The following DET1 variants were observed in gnomAD, a reference collection of about 807,000 sequenced individuals.
DET1 encodes DET1 homolog.
A neutral mutation model predicts 43.7 loss-of-function variants in DET1; 22 were observed. The ratio of observed to expected loss-of-function variants is 0.50; its 90% confidence interval spans 0.36 to 0.72. The LOEUF is 0.72. DET1 is among the 30% of genes least tolerant of loss of function. DET1 has a pLI of 0.00. For missense variants in DET1, 713 were observed against 713.3 expected (o/e 1.00, Z 0.00); for synonymous variants, 315 against 266.2 (o/e 1.18, Z -1.79).
At chr15:88,525,827 A>ATTTTTTTTTTTTTTTTTT (rs10658727) in intron 3 of DET1, among the ~76,000 whole-genome samples, 1 of 90,698 alleles carries the variant, frequency 1.1e-5, no homozygotes, top group Non-Finnish European at 2.1e-5. Context: ...ACACTCGGCT[A>ATTTTTTTTTTTTTTTTTT]TTTTTTTTTT....
intron 1 of DET1, among the ~76,000 whole-genome samples, chr15:88,545,914 C>T (rs905784842): frequency 4.6e-5 from 7 of 150,798 alleles, no homozygotes; most frequent in Non-Finnish European, 1.0e-4. Context: ...ATCCACAGTC[C>T]CCAAGAATTC....
intron 3 of DET1, among the ~76,000 whole-genome samples, chr15:88,525,903 T>C (rs1339410669): frequency 1.3e-5 from 2 of 150,952 alleles, no homozygotes; most frequent in African/African-American, 2.4e-5. Flanking sequence ...TCTTGAAACT[T>C]GGACTCAAGC....
intron 4 of DET1, among the ~76,000 whole-genome samples, chr15:88,513,629 T>G (rs926805437): frequency 3.7e-4 from 55 of 150,420 alleles, no homozygotes; most frequent in African/African-American, 1.3e-3. Context: ...TGAGTTTTTT[T>G]TTTTTTTTTT....
intron 1 of DET1, among the ~76,000 whole-genome samples, chr15:88,533,497 C>T (rs563389743): frequency 1.1e-4 from 16 of 152,182 alleles, no homozygotes; most frequent in East Asian, 1.9e-4. Context: ...TTCATATCAG[C>T]GCTATTCATA....
chr15:88,536,324 T>A (rs1212563391), intron 1 of DET1: 1 of 779,404 alleles, frequency 1.3e-6, no homozygotes, highest in Non-Finnish European at 2.4e-6. Flanking sequence ...TTTTAGTATC[T>A]GTCCCACCAT....
At chr15:88,510,769 T>G (rs1484953731), downstream of DET1, among the ~76,000 whole-genome samples, 9 of 147,034 alleles carry the variant, frequency 6.1e-5, no homozygotes, top group African/African-American at 2.2e-4. Flanking sequence ...GTTTTTTTTT[T>G]TGTTTTTTTT....
At chr15:88,535,833 G>A (rs1220827083) in intron 1 of DET1, among the ~76,000 whole-genome samples, 1 of 151,940 alleles carries the variant, frequency 6.6e-6, no homozygotes, top group Non-Finnish European at 1.5e-5. Context: ...AAGAAGAAAG[G>A]AAGGGAGAGA....
chr15:88,536,603 C>T (rs2056957385), intron 1 of DET1, among the ~76,000 whole-genome samples: 3 of 151,858 alleles, frequency 2.0e-5, no homozygotes, highest in South Asian at 4.2e-4. Context: ...CATAGTGAAA[C>T]TCCATCTCTA....
chr15:88,513,625 T>G (rs1257178759), intron 4 of DET1, among the ~76,000 whole-genome samples: 1 of 145,474 alleles, frequency 6.9e-6, no homozygotes, highest in Non-Finnish European at 1.5e-5. Context: ...TTAGTGAGTT[T>G]TTTTTTTTTT....
chr15:88,513,248 A>T, intron 4 of DET1, 108 bp from the exon 5 acceptor site: 1 of 1,198,982 alleles, frequency 8.3e-7, no homozygotes, highest in Non-Finnish European at 1.1e-6. Flanking sequence ...ATTTTACCTT[A>T]TTAATGAAAT....
rs575626592 is a variant in DET1, at chr15:88,530,344, C to A, written c.1083+279G>T. On this transcript the variant is annotated intron_variant, in intron 2 of 4. Coordinates refer to ENST00000268148, the MANE Select transcript of DET1 (RefSeq NM_001144074.3). The stretch of plus-strand genomic sequence containing the variant: ...AAACCTTGACCTTGTAGCATTTGGG[C>A]TTCCATCTCATGAGTACTGAAAATA... 2.0e-5 allele frequency among the ~76,000 whole-genome samples: 3 copies of A among 152,130 alleles called. No homozygotes were observed. The East Asian group carries it at 5.8e-4, about 29-fold the overall frequency.
intron 2 of DET1, among the ~76,000 whole-genome samples, chr15:88,529,545 C>T (rs962597977): frequency 4.6e-5 from 7 of 152,200 alleles, no homozygotes; most frequent in East Asian, 1.9e-4. Context: ...ACATAAACTA[C>T]AATTCAGAAG....
chr15:88,511,407 G>A, downstream of DET1: 3 of 985,362 alleles, frequency 3.0e-6, no homozygotes, highest in Non-Finnish European at 3.6e-6. Flanking sequence ...CCCAGTGTAT[G>A]CTGCAGCTGT....
At chr15:88,525,967 C>T (rs981980126) in intron 3 of DET1, among the ~76,000 whole-genome samples, 1 of 151,758 alleles carries the variant, frequency 6.6e-6, no homozygotes, top group Non-Finnish European at 1.5e-5. Flanking sequence ...TGAGCCACCA[C>T]ACTCAGACTG....
At chr15:88,521,576 T>A (rs765790239) in intron 3 of DET1, among the ~76,000 whole-genome samples, 1 of 152,202 alleles carries the variant, frequency 6.6e-6, no homozygotes, top group Non-Finnish European at 1.5e-5. Flanking sequence ...TACATCTCCA[T>A]AGGCTTCCTT....
In DET1 at chr15:88,530,913, G is replaced by T; in HGVS notation, c.793C>A (p.Leu265Met). The change falls in exon 2 of 5, where the codon CTG becomes ATG. Residue 265 changes from leucine to methionine, a missense_variant. Leu to Met is a conservative substitution (Grantham distance 15, BLOSUM62 2). Transcript: ENST00000268148. ...TIGRFCYEDDLLTVSAVFPEV... is the reference protein window; with the variant it reads ...TIGRFCYEDDMLTVSAVFPEV... Reference sequence around the variant, plus strand: ...GGGAAAACAGCTGACACAGTGAGCAGGTCATCCTCATAGCAAAAGCGGCCA... The same window carrying T: ...GGGAAAACAGCTGACACAGTGAGCATGTCATCCTCATAGCAAAAGCGGCCA... 6.2e-7 allele frequency: 1 copy of T among 1,614,022 alleles called. No individual in the cohort carries two copies. The highest frequency in any genetic ancestry group is 2.2e-5 in the East Asian group (1 of 44,882).
At chr15:88,525,220 T>C (rs912123830) in intron 3 of DET1, among the ~76,000 whole-genome samples, 1 of 152,204 alleles carries the variant, frequency 6.6e-6, no homozygotes, top group Admixed American at 6.5e-5. Flanking sequence ...ACTTTAAGTA[T>C]CAATGTTTAA....
At position 88,544,557 on chromosome 15, in the gene DET1, G is replaced by A. The variant is rs539959100; in HGVS notation, c.-11+1983C>T. Among the ~76,000 whole-genome samples, 41 of 152,282 alleles carry A rather than the reference G, an allele frequency of 2.7e-4. No homozygotes were observed. In the South Asian group the frequency reaches 6.8e-3, roughly 25 times the overall value. On this transcript the variant is annotated intron_variant, in intron 1 of 4. Coordinates refer to ENST00000268148, the MANE Select transcript of DET1 (RefSeq NM_001144074.3). ...CTAACCAGACGGGGTCCTGCCATTC[G>A]TTCCAGCCAGGAGAACTAGTGTTTG...
intron 3 of DET1, among the ~76,000 whole-genome samples, chr15:88,520,944 C>T: frequency 6.6e-6 from 1 of 152,166 alleles, no homozygotes; most frequent in East Asian, 1.9e-4. Flanking sequence ...TACCTGCCTA[C>T]ATTCTACTCT....
Sources: gnomAD v4.1 joint callset for allele counts (sites outside exome capture counted in the v4.1 genomes callset) on GRCh38, gnomAD v4.1.1 for gene constraint, MANE v1.5 for transcripts, NCBI Gene and HGNC (gene_info 2026-07-23, HGNC 2026-07-21) for gene names.